The following ARHGAP10 variants were observed in gnomAD, a reference collection of about 807,000 sequenced individuals.
ARHGAP10 encodes the protein Rho GTPase activating protein 10.
In ARHGAP10, 87 loss-of-function variants were observed where a neutral mutation model predicts 108.6. That is an observed-to-expected ratio of 0.80 (90% CI 0.67 to 0.96). The LOEUF is 0.96. ARHGAP10 is among the 40% of genes least tolerant of loss of function. The probability of loss-of-function intolerance (pLI) is 0.00; values close to 1 mark genes in which losing one functional copy is unlikely to be tolerated. For synonymous variants in ARHGAP10, 347 were observed against 341.1 expected (o/e 1.02, Z -0.19); for missense variants, 939 against 954.5 (o/e 0.98, Z 0.21).
In ARHGAP10 at chr4:147,922,419, G is replaced by T. The variant is rs1396114714; in HGVS notation, c.1228+9280G>T. Among the ~76,000 whole-genome samples, 2 of 151,734 alleles carry T rather than the reference G, an allele frequency of 1.3e-5. 1 individual carries two copies. Among genetic ancestry groups the T allele is most frequent in the Non-Finnish European group, 2.9e-5 (2 of 67,924 alleles). On this transcript the variant is annotated intron_variant, in intron 13 of 22. Transcript: ENST00000336498. ...AAAAAAAAAAAGTTGGCCGGGCGCG[G>T]TGGCTCACGCCTGTAATCCCAGCAC...
intron 18 of ARHGAP10, among the ~76,000 whole-genome samples, chr4:147,977,896 T>C (rs1295942955): frequency 6.6e-6 from 1 of 152,110 alleles, no homozygotes; most frequent in East Asian, 1.9e-4. Flanking sequence ...CCACTTATAA[T>C]TGAAAACATG....
chr4:147,776,132 T>C (rs1356359323), intron 1 of ARHGAP10, among the ~76,000 whole-genome samples: 1 of 152,222 alleles, frequency 6.6e-6, no homozygotes, highest in Admixed American at 6.5e-5. Context: ...CATTAACTTG[T>C]AGCTGGTGTA....
At chr4:147,903,968 T>G (rs1194645857) in intron 10 of ARHGAP10, among the ~76,000 whole-genome samples, 2 of 152,214 alleles carry the variant, frequency 1.3e-5, no homozygotes, top group Admixed American at 6.5e-5. Flanking sequence ...TCAGTTCCTT[T>G]AGGTAACTGC....
In ARHGAP10 at chr4:147,798,752, T is replaced by C. The variant is rs1272113909; in HGVS notation, c.155-23975T>C. ...CTCTCTCTCTCTCTCTCTCTCTCTC[T>C]CTCTCTCTCTCTCTCTCTCTCTCTC... On this transcript the variant is annotated intron_variant, in intron 1 of 22. Transcript: ENST00000336498. 7.3e-3 allele frequency among the ~76,000 whole-genome samples: 80 copies of C among 10,944 alleles called. 6 individuals are homozygous for C. The highest frequency in any genetic ancestry group is 0.01 in the African/African-American group (78 of 7,744). 7.2% of individuals were successfully genotyped at this position (10,944 alleles called of 152,430 possible). A position where few individuals can be genotyped will look rare whatever the true frequency, so the allele number is the denominator to read the frequency against.
At chr4:147,987,324 TA>T (rs1274980342) in intron 18 of ARHGAP10, among the ~76,000 whole-genome samples, 2 of 152,250 alleles carry the variant, frequency 1.3e-5, no homozygotes, top group Non-Finnish European at 2.9e-5. Context: ...GAGAAGTTTT[TA>T]AAAAATTTTT....
rs1728186715 is a variant in ARHGAP10 at position 148,032,334 on chromosome 4, C to CGT, written c.1867+8921_1867+8922insGT. On this transcript the variant is annotated intron_variant, in intron 19 of 22. Transcript: ENST00000336498. ...TATTGGCAATTTCAACTGTCCCCCC[C>CGT]CCCCCCCCCCCCATATTGTAGGCCA... Among the ~76,000 whole-genome samples, 7 of 43,374 alleles carry CGT rather than the reference C, an allele frequency of 1.6e-4. No homozygotes were observed. The East Asian group carries it at 2.9e-3, about 18-fold the overall frequency. 28.5% of individuals were successfully genotyped at this position (43,374 alleles called of 152,430 possible).
chr4:148,012,923 G>GTT (rs1560874586), intron 18 of ARHGAP10, among the ~76,000 whole-genome samples: 13 of 133,092 alleles, frequency 9.8e-5, no homozygotes, highest in African/African-American at 4.3e-4. Context: ...GTATCTGTCT[G>GTT]GTTTTTTTTT....
At chr4:148,036,969 G>A (rs1207306487) in intron 19 of ARHGAP10, among the ~76,000 whole-genome samples, 1 of 152,216 alleles carries the variant, frequency 6.6e-6, no homozygotes, top group African/African-American at 2.4e-5. Context: ...AAAAACTGAG[G>A]AATGAGCTAC....
chr4:148,033,625 A>G (rs534966727), intron 19 of ARHGAP10, among the ~76,000 whole-genome samples: 2 of 152,170 alleles, frequency 1.3e-5, no homozygotes, highest in Non-Finnish European at 2.9e-5. Context: ...TACCGCATAC[A>G]TTTATATGTG....
intron 5 of ARHGAP10, among the ~76,000 whole-genome samples, chr4:147,860,326 C>T (rs1414406094): frequency 6.6e-6 from 1 of 152,148 alleles, no homozygotes; most frequent in Non-Finnish European, 1.5e-5. Context: ...CCTGCAGTCC[C>T]AGCTACTCAG....
At chr4:147,928,167 A>G (rs1737536100) in intron 13 of ARHGAP10, among the ~76,000 whole-genome samples, 1 of 152,214 alleles carries the variant, frequency 6.6e-6, no homozygotes. Context: ...ATTCGGGAGG[A>G]TGAGACTTAG....
At chr4:147,995,581 C>G (rs983522581) in intron 18 of ARHGAP10, among the ~76,000 whole-genome samples, 8 of 152,276 alleles carry the variant, frequency 5.3e-5, no homozygotes, top group Admixed American at 3.3e-4. Context: ...TTTAAGATGA[C>G]AGAGTAAAGA....
At chr4:147,771,134 A>C (rs988904715) in intron 1 of ARHGAP10, among the ~76,000 whole-genome samples, 3 of 152,096 alleles carry the variant, frequency 2.0e-5, no homozygotes, top group Non-Finnish European at 4.4e-5. Flanking sequence ...ACTTAAGCCC[A>C]GGAGTTTGAG....
At chr4:147,905,061 C>G (rs1413509049) in intron 10 of ARHGAP10, among the ~76,000 whole-genome samples, 1 of 152,024 alleles carries the variant, frequency 6.6e-6, no homozygotes, top group Non-Finnish European at 1.5e-5. Context: ...TATCCTTTGC[C>G]CACTTTTTGA....
chr4:147,876,987 C>T (rs1435624819), intron 8 of ARHGAP10, among the ~76,000 whole-genome samples: 4 of 152,096 alleles, frequency 2.6e-5, no homozygotes, highest in Non-Finnish European at 5.9e-5. Flanking sequence ...GTAATGTCTC[C>T]CGTAAATTGC....
intron 18 of ARHGAP10, among the ~76,000 whole-genome samples, chr4:147,980,110 C>T (rs917953028): frequency 5.9e-5 from 9 of 152,102 alleles, no homozygotes; most frequent in African/African-American, 1.4e-4. Context: ...TGTCTAGTTC[C>T]GGTTCTTAAG....
At chr4:148,044,933 AG>A (rs1233306439) in intron 19 of ARHGAP10, among the ~76,000 whole-genome samples, 2 of 152,150 alleles carry the variant, frequency 1.3e-5, no homozygotes, top group Non-Finnish European at 2.9e-5. Flanking sequence ...TTTGTGGTGA[AG>A]CGCTGTGGAA....
intron 6 of ARHGAP10, chr4:147,865,579 CA>C (rs70958590): frequency 0.16 from 23,948 of 151,812 alleles, 2,756 homozygotes; most frequent in African/African-American, 0.33. Context: ...TGGATTTCAG[CA>C]AAAAAACACT....
intron 22 of ARHGAP10, among the ~76,000 whole-genome samples, chr4:148,070,401 G>A (rs1435381674): frequency 6.6e-6 from 1 of 152,186 alleles, no homozygotes; most frequent in African/African-American, 2.4e-5. Context: ...GGAAAGTGCA[G>A]GCGGTTAGTC....
Sources: gnomAD v4.1 joint callset for allele counts (sites outside exome capture counted in the v4.1 genomes callset) on GRCh38, gnomAD v4.1.1 for gene constraint, MANE v1.5 for transcripts, NCBI Gene and HGNC (gene_info 2026-07-23, HGNC 2026-07-21) for gene names.